The following MOSMO variants were observed in gnomAD, a reference collection of about 807,000 sequenced individuals.
MOSMO encodes modulator of smoothened.
Under a neutral mutation model 18.4 loss-of-function variants are expected in MOSMO, and 5 were observed. The observed-to-expected ratio is 0.27, with a 90% confidence interval of 0.14 to 0.57. The LOEUF (loss-of-function observed/expected upper bound fraction) is 0.57, where lower values mean the gene tolerates loss of function less well. MOSMO is among the 20% of genes least tolerant of loss of function. The pLI is 0.92. For synonymous variants in MOSMO, 82 were observed against 82.3 expected, an observed-to-expected ratio of 1.00 and a Z score of 0.02; for missense variants, 138 against 211.8, an observed-to-expected ratio of 0.65 and a Z score of 2.16.
chr16:22,048,435 ATAT>A lies in MOSMO; in HGVS notation c.107-27050_107-27048del, dbSNP rs1316218553. ...AACCCTCTCAACAATGTGTAAAAGT[ATAT>A]TCATTTCTCCGTATCTTTTCCAGTG... On this transcript the variant is annotated intron_variant, in intron 1 of 2. Coordinates refer to ENST00000542527, the MANE Select transcript of MOSMO (RefSeq NM_001164579.2). Among the ~76,000 whole-genome samples, 4 of 152,292 alleles carry A rather than the reference ATAT, an allele frequency of 2.6e-5. No individual in the cohort carries two copies. In the East Asian group the frequency reaches 5.8e-4, roughly 22 times the overall value.
At position 22,081,031 on chromosome 16, in the gene MOSMO, G is replaced by T; in HGVS notation, c.*151G>T. The T allele has an allele frequency of 3.0e-6, 1 of 336,806 alleles. No individual in the cohort carries two copies. The highest frequency in any genetic ancestry group is 5.2e-6 in the Non-Finnish European group (1 of 191,722). The allele number at this position is 336,806 out of a possible 1,614,324, so 20.9% of individuals were successfully genotyped here. Reference sequence around the variant, plus strand: ...CTGATGCTGAGAAGGAAAAAAAAATGCTTTGGTTTGTTCTCACTATGCACT... The same window carrying T: ...CTGATGCTGAGAAGGAAAAAAAAATTCTTTGGTTTGTTCTCACTATGCACT... On this transcript the variant is annotated 3_prime_UTR_variant, in exon 3 of 3. Coordinates refer to ENST00000542527, the MANE Select transcript of MOSMO (RefSeq NM_001164579.2).
At chr16:22,015,328 C>G (rs1899615912) in intron 1 of MOSMO, among the ~76,000 whole-genome samples, 1 of 152,094 alleles carries the variant, frequency 6.6e-6, no homozygotes, top group Admixed American at 6.5e-5. Flanking sequence ...AATCCTCCAG[C>G]CTCAGCCTCC....
intron 2 of MOSMO, among the ~76,000 whole-genome samples, chr16:22,079,559 T>C (rs1175447415): frequency 6.6e-6 from 1 of 152,214 alleles, no homozygotes; most frequent in Non-Finnish European, 1.5e-5. Flanking sequence ...CTGATATCCT[T>C]TTAAAAACAT....
At chr16:22,039,464 A>AT (rs1900169787) in intron 1 of MOSMO, among the ~76,000 whole-genome samples, 1 of 152,200 alleles carries the variant, frequency 6.6e-6, no homozygotes, top group South Asian at 2.1e-4. Flanking sequence ...TCTGTAAGGA[A>AT]TTTTTTAGAA....
intron 1 of MOSMO, among the ~76,000 whole-genome samples, chr16:22,047,168 T>G (rs942480137): frequency 2.0e-5 from 3 of 151,894 alleles, no homozygotes; most frequent in African/African-American, 7.3e-5. Flanking sequence ...TCTCATGTGT[T>G]AGAGATCTTT....
At chr16:22,057,195 A>T (rs1900553809) in intron 1 of MOSMO, among the ~76,000 whole-genome samples, 1 of 152,208 alleles carries the variant, frequency 6.6e-6, no homozygotes, top group Non-Finnish European at 1.5e-5. Flanking sequence ...TGGGTACTTT[A>T]TAAAGAGCAG....
chr16:22,025,268 A>G (rs1203160387), intron 1 of MOSMO, among the ~76,000 whole-genome samples: 1 of 152,224 alleles, frequency 6.6e-6, no homozygotes. Context: ...ACATAGCACT[A>G]TGTAAGTGTC....
chr16:22,065,975 C>T (rs1011989591), intron 1 of MOSMO, among the ~76,000 whole-genome samples: 3 of 152,184 alleles, frequency 2.0e-5, no homozygotes, highest in Admixed American at 6.5e-5. Flanking sequence ...AAGGAGCATT[C>T]GAGAAAATTG....
chr16:22,068,752 T>C lies in MOSMO; in HGVS notation c.107-6735T>C, dbSNP rs578252621. On this transcript the variant is annotated intron_variant, in intron 1 of 2. Coordinates refer to ENST00000542527, the MANE Select transcript of MOSMO (RefSeq NM_001164579.2). Reference sequence around the variant, plus strand: ...AAATTCATTGTATGGCTATTTTGTTTTTTATTCATCAGTTGATGGACATTT... The same window carrying C: ...AAATTCATTGTATGGCTATTTTGTTCTTTATTCATCAGTTGATGGACATTT... Among the ~76,000 whole-genome samples, 5 of 152,352 alleles carry C rather than the reference T, an allele frequency of 3.3e-5. No homozygotes were observed. The East Asian group carries it at 7.7e-4, about 23-fold the overall frequency.
chr16:22,049,574 TCA>T (rs1900382280), intron 1 of MOSMO, among the ~76,000 whole-genome samples: 1 of 152,206 alleles, frequency 6.6e-6, no homozygotes, highest in Non-Finnish European at 1.5e-5. Context: ...TTGAAAGGTA[TCA>T]CATATAAAGA....
chr16:22,024,361 T>C (rs1030170874), intron 1 of MOSMO, among the ~76,000 whole-genome samples: 13 of 149,618 alleles, frequency 8.7e-5, no homozygotes, highest in African/African-American at 3.2e-4. Flanking sequence ...GTTGATTATC[T>C]TTGAAAACTT....
intron 1 of MOSMO, among the ~76,000 whole-genome samples, chr16:22,028,368 G>T (rs1481432239): frequency 2.7e-5 from 4 of 145,902 alleles, no homozygotes; most frequent in Admixed American, 6.8e-5. Context: ...TCTTTTTTAT[G>T]TTTTTTTTTT....
chr16:22,041,534 G>A (rs1017581093), intron 1 of MOSMO, among the ~76,000 whole-genome samples: 3 of 152,086 alleles, frequency 2.0e-5, no homozygotes, highest in Non-Finnish European at 2.9e-5. Flanking sequence ...TATTTAGACC[G>A]TACTTTGACT....
At chr16:22,008,549 G>A in intron 1 of MOSMO, 142 bp downstream of exon 1, 1 of 568,206 alleles carries the variant, frequency 1.8e-6, no homozygotes, top group Non-Finnish European at 3.0e-6. Context: ...GGGGAGACCC[G>A]GGCCGCGGAG....
chr16:22,021,300 T>C (rs988923648), intron 1 of MOSMO, among the ~76,000 whole-genome samples: 3 of 152,186 alleles, frequency 2.0e-5, no homozygotes, highest in Admixed American at 1.3e-4. Flanking sequence ...TTAAGTCTTT[T>C]ATGTTGAAAT....
chr16:22,056,266 C>T (rs1184615731), intron 1 of MOSMO, among the ~76,000 whole-genome samples: 1 of 151,926 alleles, frequency 6.6e-6, no homozygotes, highest in Non-Finnish European at 1.5e-5. Context: ...AGGACATCTG[C>T]CACTGACGCC....
At chr16:22,023,193 T>C (rs968311163) in intron 1 of MOSMO, among the ~76,000 whole-genome samples, 3 of 152,216 alleles carry the variant, frequency 2.0e-5, no homozygotes, top group Admixed American at 6.5e-5. Context: ...TATATCAGCC[T>C]ACTAAATCAC....
intron 2 of MOSMO, among the ~76,000 whole-genome samples, chr16:22,078,388 C>T (rs1241193831): frequency 6.6e-6 from 1 of 152,158 alleles, no homozygotes; most frequent in East Asian, 1.9e-4. Context: ...GTATAGAGAA[C>T]CTGCTTCCTT....
intron 1 of MOSMO, among the ~76,000 whole-genome samples, chr16:22,040,807 G>A (rs1350866491): frequency 6.6e-6 from 1 of 152,106 alleles, no homozygotes; most frequent in Non-Finnish European, 1.5e-5. Context: ...GCAGGATTAT[G>A]GTTTTAAGAA....
Sources: gnomAD v4.1 joint callset for allele counts (sites outside exome capture counted in the v4.1 genomes callset) on GRCh38, gnomAD v4.1.1 for gene constraint, MANE v1.5 for transcripts, NCBI Gene and HGNC (gene_info 2026-07-23, HGNC 2026-07-21) for gene names.